Variants in MTHFD2L observed in about 807,000 individuals in gnomAD.
MTHFD2L encodes the protein bifunctional methylenetetrahydrofolate dehydrogenase/cyclohydrolase 2, mitochondrial.
Under a neutral mutation model 34.9 loss-of-function variants are expected in MTHFD2L, and 29 were observed. The observed-to-expected ratio is 0.83, with a 90% CI of 0.62 to 1.13. The LOEUF (loss-of-function observed/expected upper bound fraction) is 1.13, where lower values mean the gene tolerates loss of function less well. Among genes scored for constraint, MTHFD2L ranks in the 50% most tolerant of loss-of-function variants. MTHFD2L has a pLI of 0.00. For missense variants in MTHFD2L, 481 were observed against 446.5 expected, an observed-to-expected ratio of 1.08 and a Z score of -0.70; for synonymous variants, 167 against 155.7, an observed-to-expected ratio of 1.07 and a Z score of -0.54.
chr4:74,118,803 C>G (rs1041246434), upstream of MTHFD2L, among the ~76,000 whole-genome samples: 1 of 152,186 alleles, frequency 6.6e-6, no homozygotes, highest in Non-Finnish European at 1.5e-5. Context: ...ATAGCCGCTC[C>G]CCATTGCTCA....
intron 6 of MTHFD2L, chr4:74,268,131 T>C (rs2110239326): frequency 1.0e-6 from 1 of 984,466 alleles, no homozygotes; most frequent in Middle Eastern, 5.2e-4. Flanking sequence ...TAAACACTTT[T>C]TGAGGATTTC....
intron 6 of MTHFD2L, among the ~76,000 whole-genome samples, chr4:74,245,750 A>G (rs1666554697): frequency 6.6e-6 from 1 of 151,950 alleles, no homozygotes. Flanking sequence ...TCCTTGTGAT[A>G]GTTTACTGAG....
At chr4:74,288,303 A>G (rs1287012465) in intron 7 of MTHFD2L, 1 of 152,168 alleles carries the variant, frequency 6.6e-6, no homozygotes, top group African/African-American at 2.4e-5. Context: ...CTTCTAAGGA[A>G]AAGTGAAAGA....
chr4:74,186,450 A>AAC (rs1165645592), intron 3 of MTHFD2L, among the ~76,000 whole-genome samples: 3 of 150,734 alleles, frequency 2.0e-5, no homozygotes, highest in Non-Finnish European at 3.0e-5. Flanking sequence ...AAAAAAAAAA[A>AAC]AAAAAAAAAC....
chr4:74,128,908 T>C (rs1297960262), intron 1 of MTHFD2L, among the ~76,000 whole-genome samples: 2 of 152,106 alleles, frequency 1.3e-5, no homozygotes, highest in African/African-American at 4.8e-5. Context: ...AGTGCTATCA[T>C]TGACAAGTAA....
upstream of MTHFD2L, among the ~76,000 whole-genome samples, chr4:74,119,792 CA>C (rs774537663): frequency 1.3e-5 from 2 of 150,880 alleles, no homozygotes; most frequent in Non-Finnish European, 3.0e-5. Context: ...CAAAAAAAAA[CA>C]AAAAAAACAA....
At chr4:74,261,948 C>T (rs1234566791) in intron 6 of MTHFD2L, among the ~76,000 whole-genome samples, 2 of 151,968 alleles carry the variant, frequency 1.3e-5, no homozygotes, top group Non-Finnish European at 2.9e-5. Flanking sequence ...CGCTGACTGA[C>T]TCAACAAATG....
chr4:74,276,552 G>A (rs1746674326), intron 6 of MTHFD2L, among the ~76,000 whole-genome samples: 1 of 152,052 alleles, frequency 6.6e-6, no homozygotes, highest in African/African-American at 2.4e-5. Context: ...TCCGGACTGT[G>A]CATCCTAATG....
intron 6 of MTHFD2L, among the ~76,000 whole-genome samples, chr4:74,277,897 G>A (rs1037212963): frequency 2.0e-5 from 3 of 151,950 alleles, no homozygotes; most frequent in African/African-American, 7.2e-5. Context: ...TTCACTGTGT[G>A]GTCAGTGCAC....
intron 6 of MTHFD2L, among the ~76,000 whole-genome samples, chr4:74,246,239 C>A (rs1742427582): frequency 2.0e-5 from 3 of 151,846 alleles, no homozygotes; most frequent in South Asian, 2.1e-4. Flanking sequence ...TGATGATGAG[C>A]ATTTTTTCGT....
At chr4:74,169,132 A>T (rs372512039) in intron 1 of MTHFD2L, among the ~76,000 whole-genome samples, 5 of 152,326 alleles carry the variant, frequency 3.3e-5, no homozygotes, top group African/African-American at 1.2e-4. Context: ...ATTTACCCAT[A>T]AACACCAGCT....
At chr4:74,117,427 A>G (rs1721673785) in intron 2 of MTHFD2L, among the ~76,000 whole-genome samples, 1 of 152,222 alleles carries the variant, frequency 6.6e-6, no homozygotes, top group African/African-American at 2.4e-5. Flanking sequence ...TTCAGGCTGC[A>G]GGGTACAGAA....
At chr4:74,266,051 A>G (rs896558919) in intron 6 of MTHFD2L, among the ~76,000 whole-genome samples, 98 of 152,346 alleles carry the variant, frequency 6.4e-4, no homozygotes, top group African/African-American at 2.1e-3. Flanking sequence ...CAGTAATTTG[A>G]TAACCAATGA....
intron 6 of MTHFD2L, among the ~76,000 whole-genome samples, chr4:74,264,152 A>G (rs570437239): frequency 1.3e-5 from 2 of 152,142 alleles, no homozygotes; most frequent in South Asian, 4.2e-4. Context: ...AATAAAACAA[A>G]GATTTTCCTT....
intron 3 of MTHFD2L, chr4:74,195,024 A>G (rs1184688010): frequency 6.6e-6 from 1 of 152,246 alleles, no homozygotes; most frequent in African/African-American, 2.4e-5. Context: ...TATTTAAGAA[A>G]ACATTTGAAA....
intron 7 of MTHFD2L, among the ~76,000 whole-genome samples, chr4:74,294,424 C>T (rs1479740260): frequency 6.6e-6 from 1 of 151,958 alleles, no homozygotes. Flanking sequence ...ATAAAGTTTC[C>T]AAATGAAGCA....
At position 74,217,817 on chromosome 4, in the gene MTHFD2L, C is replaced by T. The variant is rs10012813; in HGVS notation, c.713-7485C>T. Among the ~76,000 whole-genome samples, 70 of 152,094 alleles carry T rather than the reference C, an allele frequency of 4.6e-4. 2 individuals carry two copies. The highest frequency in any genetic ancestry group is 6.8e-3 in the Middle Eastern group (2 of 294). ...CTTACAGTCAAGACTAAGTAATATGCTCTCCTCATATTTTTTTGGAAAGTG... is the reference window on the plus strand; with the variant it reads ...CTTACAGTCAAGACTAAGTAATATGTTCTCCTCATATTTTTTTGGAAAGTG... On this transcript the variant is annotated intron_variant, in intron 5 of 7. Coordinates refer to ENST00000325278, the MANE Select transcript of MTHFD2L (RefSeq NM_001144978.3).
At chr4:74,135,888 T>C (rs1722882529) in intron 1 of MTHFD2L, among the ~76,000 whole-genome samples, 1 of 152,100 alleles carries the variant, frequency 6.6e-6, no homozygotes, top group South Asian at 2.1e-4. Flanking sequence ...ATTATTTCAA[T>C]AGATGCCATA....
chr4:74,289,270 A>G (rs555396429), intron 7 of MTHFD2L, among the ~76,000 whole-genome samples: 4 of 152,356 alleles, frequency 2.6e-5, no homozygotes, highest in African/African-American at 9.6e-5. Flanking sequence ...GGGAAGGCTT[A>G]TGCTAACCTG....
Sources: allele counts gnomAD v4.1 joint callset (sites outside exome capture counted in the v4.1 genomes callset), GRCh38; gene constraint gnomAD v4.1.1; transcripts MANE v1.5; gene names NCBI Gene and HGNC (gene_info 2026-07-23, HGNC 2026-07-21).